RTRAF: variants seen among roughly 807,000 people sequenced by gnomAD.
RTRAF encodes tRNA-splicing ligase complex subunit RTRAF.
In RTRAF, 14 loss-of-function variants were observed where a neutral mutation model predicts 34.4. The observed-to-expected ratio is 0.41, with a 90% CI of 0.27 to 0.64. RTRAF has a LOEUF of 0.64. Ranked by LOEUF, RTRAF falls within the 30% of genes least tolerant of loss-of-function variation. The pLI, the probability that RTRAF is intolerant of heterozygous loss-of-function variation, is 0.34. For synonymous variants in RTRAF, 96 were observed against 95.3 expected, an observed-to-expected ratio of 1.01 and a Z score of -0.04; for missense variants, 291 against 288.4, an observed-to-expected ratio of 1.01 and a Z score of -0.06.
At chr14:51,993,102 C>T (rs577642605) in intron 2 of RTRAF, among the ~76,000 whole-genome samples, 130 of 146,822 alleles carry the variant, frequency 8.9e-4, no homozygotes, top group African/African-American at 3.1e-3. Flanking sequence ...ATGTGAAACA[C>T]CTGGAATGAC....
At chr14:52,003,705 AAATTATACAT>A (rs1375684362) in intron 6 of RTRAF, among the ~76,000 whole-genome samples, 13 of 152,128 alleles carry the variant, frequency 8.5e-5, no homozygotes, top group African/African-American at 2.7e-4. Context: ...CTTGAAAGTT[AAATTATACAT>A]AATTATACAT....
At chr14:51,992,521 G>C (rs943479496) in intron 2 of RTRAF, among the ~76,000 whole-genome samples, 1 of 152,144 alleles carries the variant, frequency 6.6e-6, no homozygotes, top group African/African-American at 2.4e-5. Flanking sequence ...AGTGTGATAA[G>C]CTTATTACTG....
chr14:52,001,000 A>G (rs12881786), intron 5 of RTRAF, among the ~76,000 whole-genome samples: 10,126 of 152,276 alleles, frequency 0.066, 413 homozygotes, highest in Middle Eastern at 0.13. Context: ...TCAAACAATA[A>G]CATAATATGG....
At chr14:51,990,378 T>C (rs1048160984) in intron 1 of RTRAF, among the ~76,000 whole-genome samples, 2 of 152,222 alleles carry the variant, frequency 1.3e-5, no homozygotes, top group African/African-American at 2.4e-5. Context: ...ACTAAACTGC[T>C]ACCCACCACT....
At chr14:52,000,627 CA>C (rs1890586556) in intron 5 of RTRAF, among the ~76,000 whole-genome samples, 1 of 152,144 alleles carries the variant, frequency 6.6e-6, no homozygotes. Flanking sequence ...TCAGTTTTAA[CA>C]AGACTGTTGT....
intron 6 of RTRAF, 111 bp downstream of exon 6, chr14:52,001,977 C>A: frequency 1.1e-6 from 1 of 943,348 alleles, no homozygotes; most frequent in Non-Finnish European, 1.6e-6. Context: ...CGTTCTACAA[C>A]TTAGAGAAAG....
intron 4 of RTRAF, chr14:51,999,320 T>G (rs1385940906): frequency 6.2e-6 from 1 of 161,886 alleles, no homozygotes; most frequent in East Asian, 1.8e-4. Context: ...GTCGAAAATA[T>G]CATAAGTCAA....
Position 52,004,721 on chromosome 14 carries a change from C to A in RTRAF, c.*205C>A. ...ATTTTTATTATGTACTGTATGTTTG[C>A]ATAAATCACCTTTCTCCTTTGTGGT... On this transcript the variant is annotated 3_prime_UTR_variant, in exon 8 of 8. Transcript: ENST00000261700. 2.2e-6 allele frequency: 1 copy of A among 460,976 alleles called. No homozygotes were observed. The highest frequency in any genetic ancestry group is 3.7e-6 in the Non-Finnish European group (1 of 267,184). 28.6% of individuals were successfully genotyped at this position (460,976 alleles called of 1,614,324 possible).
At chr14:51,997,771 A>G (rs1890542978) in intron 3 of RTRAF, among the ~76,000 whole-genome samples, 5 of 113,022 alleles carry the variant, frequency 4.4e-5, no homozygotes, top group Non-Finnish European at 7.3e-5. Context: ...ACAGCATTCA[A>G]AAGAAGATGG....
At position 52,005,333 on chromosome 14, in the gene RTRAF, CAA is replaced by C. The variant is rs911876572; in HGVS notation, c.*820_*821del. The C allele has an allele frequency of 1.0e-5, 6 of 589,178 alleles. No homozygotes were observed. Among genetic ancestry groups the C allele is most frequent in the African/African-American group, 5.7e-5 (3 of 52,898 alleles). 36.5% of individuals were successfully genotyped at this position (589,178 alleles called of 1,614,324 possible). A position where few individuals can be genotyped will look rare whatever the true frequency, so the allele number is the denominator to read the frequency against. On this transcript the variant is annotated 3_prime_UTR_variant, in exon 8 of 8. Transcript: ENST00000261700. ...TAAAGATTGAGGTATCAGCTTTTCA[CAA>C]AAGTCTTTTTGCACTACAAAATGTT... is the stretch of plus-strand genomic sequence containing the variant.
intron 3 of RTRAF, among the ~76,000 whole-genome samples, chr14:51,994,706 TATTC>T (rs1890490642): frequency 6.6e-6 from 1 of 152,214 alleles, no homozygotes; most frequent in Non-Finnish European, 1.5e-5. Context: ...TCCAGTTACA[TATTC>T]ATATTAATAA....
intron 3 of RTRAF, among the ~76,000 whole-genome samples, chr14:51,994,893 G>T (rs1292820381): frequency 6.6e-6 from 1 of 151,554 alleles, no homozygotes; most frequent in Non-Finnish European, 1.5e-5. Context: ...CTGTTTCTTT[G>T]TTCACACTTT....
In RTRAF at chr14:51,991,341, T is replaced by G. The variant is rs750227458; in HGVS notation, c.86T>G (p.Ile29Ser). 6.2e-7 allele frequency: 1 copy of G among 1,613,504 alleles called. No individual in the cohort carries two copies. The highest frequency in any genetic ancestry group is 8.5e-7 in the Non-Finnish European group (1 of 1,179,616). The change falls in exon 2 of 8, where the codon ATC becomes AGC. Residue 29 changes from isoleucine (I) to serine (S), a missense_variant. Physicochemically the swap from Ile to Ser is moderately radical, Grantham distance 142 (BLOSUM62 -2). Coordinates refer to ENST00000261700, the MANE Select transcript of RTRAF (RefSeq NM_016039.3). ...CKDETEFRNF[I>S]VWLEDQKIRH... ...GATGAAACAGAATTTAGAAACTTCA[T>G]CGTTTGGCTTGAAGACCAGAAAATC...
chr14:52,003,420 T>G (rs1320079870), intron 6 of RTRAF, among the ~76,000 whole-genome samples: 4 of 152,142 alleles, frequency 2.6e-5, no homozygotes, highest in African/African-American at 9.7e-5. Context: ...CTACGTAGAT[T>G]TACATTACTA....
Position 52,006,454 on chromosome 14 carries a change from G to C in RTRAF, c.*1938G>C. 1 of 1,535,954 alleles carries C rather than the reference G, an allele frequency of 6.5e-7. No individual in the cohort carries two copies. The highest frequency in any genetic ancestry group is 1.2e-5 in the South Asian group (1 of 84,028). ...TCAGAGGGCTTAATGAGTCAAGTCA[G>C]GTACTGACTTTTGGTAAAACAAGTG... On this transcript the variant is annotated 3_prime_UTR_variant, in exon 8 of 8. Transcript: ENST00000261700.
Position 52,009,055 on chromosome 14 carries a change from T to A in RTRAF, c.*4539T>A, listed in dbSNP as rs142766621. On this transcript the variant is annotated 3_prime_UTR_variant, in exon 8 of 8. Coordinates refer to ENST00000261700, the MANE Select transcript of RTRAF (RefSeq NM_016039.3). ...ATAAAATACTATTTTATAAAAGCTA[T>A]AGAAGCTTTGAATAAATCAGTTGGG... 1.3e-5 allele frequency: 2 copies of A among 152,202 alleles called. No homozygotes were observed. Among genetic ancestry groups the A allele is most frequent in the African/African-American group, 4.8e-5 (2 of 41,436 alleles). 9.4% of individuals were successfully genotyped at this position (152,202 alleles called of 1,614,324 possible).
At chr14:51,995,490 T>G (rs1049742360) in intron 3 of RTRAF, among the ~76,000 whole-genome samples, 1 of 152,056 alleles carries the variant, frequency 6.6e-6, no homozygotes, top group African/African-American at 2.4e-5. Context: ...TATCTCAAGA[T>G]CCTTAATTTT....
intron 2 of RTRAF, among the ~76,000 whole-genome samples, chr14:51,992,403 G>A (rs1047262150): frequency 2.6e-5 from 4 of 152,038 alleles, no homozygotes; most frequent in African/African-American, 4.8e-5. Flanking sequence ...TAACCTTTCC[G>A]TGTCTCAATT....
chr14:51,998,484 G>A lies in RTRAF; in HGVS notation c.287-10G>A. ...AGTTGTACAAATTATATTTTTGCCTGTTTTTATAGCTGAAAAATACAAGGA... is the reference window on the plus strand; with the variant it reads ...AGTTGTACAAATTATATTTTTGCCTATTTTTATAGCTGAAAAATACAAGGA... On this transcript the variant is annotated splice_polypyrimidine_tract_variant and intron_variant, in intron 3 of 7. Transcript: ENST00000261700. 2.6e-6 allele frequency: 4 copies of A among 1,513,950 alleles called. No individual in the cohort carries two copies. The highest frequency in any genetic ancestry group is 8.9e-7 in the Non-Finnish European group (1 of 1,120,554). 93.8% of individuals were successfully genotyped at this position (1,513,950 alleles called of 1,614,324 possible).
Sources: gnomAD v4.1 joint callset for allele counts (sites outside exome capture counted in the v4.1 genomes callset) on GRCh38, gnomAD v4.1.1 for gene constraint, MANE v1.5 for transcripts, NCBI Gene and HGNC (gene_info 2026-07-23, HGNC 2026-07-21) for gene names.